Variants in PSMA2 observed in about 807,000 individuals in gnomAD.
PSMA2 encodes proteasome subunit alpha type-2.
In PSMA2, 2 loss-of-function variants were observed where a neutral mutation model predicts 35.9. The ratio of observed to expected loss-of-function variants is 0.06; its 90% confidence interval spans 0.02 to 0.18. The LOEUF (loss-of-function observed/expected upper bound fraction) is 0.18, where lower values mean the gene tolerates loss of function less well. PSMA2 is among the 10% of genes least tolerant of loss of function. The probability of loss-of-function intolerance (pLI) is 1.00; values close to 1 mark genes in which losing one functional copy is unlikely to be tolerated. For synonymous variants in PSMA2, 97 were observed against 98.2 expected (o/e 0.99, Z 0.07); for missense variants, 126 against 278.8 (o/e 0.45, Z 3.90).
chr7:42,918,762 C>A (rs1323106173), intron 6 of PSMA2: 1 of 158,022 alleles, frequency 6.3e-6, no homozygotes, highest in African/African-American at 2.4e-5. Context: ...ACTGATGCTG[C>A]TCACCTGTTC....
Position 42,919,964 on chromosome 7 carries a change from C to T in PSMA2, c.530+1894G>A, listed in dbSNP as rs1033085202. On this transcript the variant is annotated intron_variant, in intron 6 of 7. Transcript: ENST00000223321. The stretch of plus-strand genomic sequence containing the variant: ...TATGGCCTTTGGAAATGTGTGCTTC[C>T]TGAAGAAGATACTGGTGAGCTGGCA... The T allele has an allele frequency of 4.0e-5, 30 of 746,898 alleles. No homozygotes were observed. In the African/African-American group the frequency reaches 4.1e-4, roughly 10 times the overall value. The allele number at this position is 746,898 out of a possible 1,614,324, so 46.3% of individuals were successfully genotyped here. A position where few individuals can be genotyped will look rare whatever the true frequency, so the allele number is the denominator to read the frequency against.
At chr7:42,931,607 G>A (rs190695008) in intron 1 of PSMA2, among the ~76,000 whole-genome samples, 2 of 152,190 alleles carry the variant, frequency 1.3e-5, no homozygotes, top group East Asian at 3.9e-4. Flanking sequence ...GTGCATCGAA[G>A]AAACCGAAAG....
intron 2 of PSMA2, 139 bp from the exon 3 acceptor site, chr7:42,926,807 C>A: frequency 9.8e-7 from 1 of 1,016,438 alleles, no homozygotes; most frequent in Non-Finnish European, 1.3e-6. Context: ...GTCCTATTAC[C>A]AAAATTACCT....
At position 42,932,115 on chromosome 7, in the gene PSMA2, T is replaced by C. The variant is rs901821517; in HGVS notation, c.41+3A>G. On this transcript the variant is annotated splice_donor_region_variant and intron_variant, in intron 1 of 7. Transcript: ENST00000223321. The stretch of plus-strand genomic sequence containing the variant: ...CTGAAGACCTCGAGGGCCCCTTCCA[T>C]ACCTGAATGTAGTCAGCGAAAAGCT... 2 of 1,614,036 alleles carry C rather than the reference T, an allele frequency of 1.2e-6. No individual in the cohort carries two copies. The highest frequency in any genetic ancestry group is 1.1e-5 in the South Asian group (1 of 91,088).
At chr7:42,929,043 C>G (rs530412772) in intron 1 of PSMA2, among the ~76,000 whole-genome samples, 7 of 151,990 alleles carry the variant, frequency 4.6e-5, no homozygotes, top group Admixed American at 6.6e-5. Context: ...AACACCTCGT[C>G]TCAAGCAATC....
chr7:42,925,358 G>A (rs888457366), intron 3 of PSMA2, among the ~76,000 whole-genome samples: 1 of 152,200 alleles, frequency 6.6e-6, no homozygotes, highest in African/African-American at 2.4e-5. Flanking sequence ...GATCACTTGA[G>A]GCCAGGAGTT....
At chr7:42,925,434 G>C (rs969936287) in intron 3 of PSMA2, among the ~76,000 whole-genome samples, 1 of 152,164 alleles carries the variant, frequency 6.6e-6, no homozygotes, top group Non-Finnish European at 1.5e-5. Context: ...AAAGAGGAGG[G>C]AGATAGAGTA....
chr7:42,927,358 T>C, intron 2 of PSMA2, 25 bp downstream of exon 2: 1 of 1,592,162 alleles, frequency 6.3e-7, no homozygotes, highest in South Asian at 1.1e-5. Context: ...AACAGGCATC[T>C]GAAATGAATG....
chr7:42,931,252 T>G (rs1786305247), intron 1 of PSMA2: 1 of 391,024 alleles, frequency 2.6e-6, no homozygotes, highest in South Asian at 1.9e-5. Context: ...CCCGCCTGCC[T>G]TCAGTTGTCA....
rs1044568098 is a variant in PSMA2 at position 42,921,854 on chromosome 7, C to T, written c.530+4G>A. On this transcript the variant is annotated splice_donor_region_variant and intron_variant, in intron 6 of 7. Transcript: ENST00000223321. Reference sequence around the variant, plus strand: ...AAGAATGCAGTTACAATGAGTAGGCCTACCTTTTCTCAAGGAAAGTCTTCC... The same window carrying T: ...AAGAATGCAGTTACAATGAGTAGGCTTACCTTTTCTCAAGGAAAGTCTTCC... The T allele has an allele frequency of 1.2e-6, 2 of 1,610,884 alleles. No individual in the cohort carries two copies. Among genetic ancestry groups the T allele is most frequent in the African/African-American group, 2.7e-5 (2 of 74,838 alleles).
intron 2 of PSMA2, among the ~76,000 whole-genome samples, chr7:42,927,065 T>C (rs1346792244): frequency 6.6e-6 from 1 of 152,198 alleles, no homozygotes; most frequent in Non-Finnish European, 1.5e-5. Flanking sequence ...TAATTAAGCT[T>C]TCCTAAATTA....
chr7:42,929,764 AT>A (rs1413073882), intron 1 of PSMA2, among the ~76,000 whole-genome samples: 3 of 152,152 alleles, frequency 2.0e-5, no homozygotes, highest in Non-Finnish European at 4.4e-5. Context: ...CCTCTCCCAC[AT>A]TATCTCCTTG....
At chr7:42,924,316 T>C (rs939927486) in intron 4 of PSMA2, among the ~76,000 whole-genome samples, 1 of 125,980 alleles carries the variant, frequency 7.9e-6, no homozygotes, top group Non-Finnish European at 1.5e-5. Context: ...ATCATGCCAT[T>C]GCACTCCAGC....
chr7:42,918,030 C>T, intron 6 of PSMA2, 195 bp from the exon 7 acceptor site: 1 of 420,548 alleles, frequency 2.4e-6, no homozygotes, highest in South Asian at 4.3e-5. Context: ...CAATTCCCAA[C>T]ATCATGAACG....
Position 42,926,671 on chromosome 7 carries a change from TA to T in PSMA2, c.119-4del, listed in dbSNP as rs753748768. 2.4e-4 allele frequency: 382 copies of T among 1,563,866 alleles called. No individual in the cohort carries two copies. Among genetic ancestry groups the T allele is most frequent in the Admixed American group, 7.9e-4 (40 of 50,438 alleles). ...TGCTAATACCACACCATTTGCAGCT[TA>T]AAAAAAAAGAGAGAGACATAAATGT... On this transcript the variant is annotated splice_polypyrimidine_tract_variant and splice_region_variant and intron_variant, in intron 2 of 7. Transcript: ENST00000223321.
chr7:42,918,096 C>T (rs1786061819), intron 6 of PSMA2: 2 of 175,574 alleles, frequency 1.1e-5, no homozygotes, highest in South Asian at 1.3e-4. Flanking sequence ...TTTTGAGACA[C>T]AGTTATCTTG....
intron 1 of PSMA2, 146 bp from the exon 2 acceptor site, chr7:42,927,605 G>T: frequency 1.4e-6 from 1 of 722,928 alleles, no homozygotes; most frequent in Non-Finnish European, 2.3e-6. Flanking sequence ...TCATGAAGTG[G>T]CACAGAAACC....
At chr7:42,922,926 T>C (rs922237717) in intron 5 of PSMA2, among the ~76,000 whole-genome samples, 2 of 152,296 alleles carry the variant, frequency 1.3e-5, no homozygotes, top group South Asian at 2.1e-4. Flanking sequence ...GAATTCAAGA[T>C]AAATTAATGT....
intron 1 of PSMA2, chr7:42,931,156 CTGAGA>C (rs1460953589): frequency 2.2e-6 from 1 of 454,752 alleles, no homozygotes; most frequent in Non-Finnish European, 4.4e-6. Context: ...CTGTAAGAAG[CTGAGA>C]TAACATTCAT....
Sources: gnomAD v4.1 joint callset for allele counts (sites outside exome capture counted in the v4.1 genomes callset) on GRCh38, gnomAD v4.1.1 for gene constraint, MANE v1.5 for transcripts, NCBI Gene and HGNC (gene_info 2026-07-23, HGNC 2026-07-21) for gene names.